Variants in KHDRBS2 observed in about 807,000 individuals in gnomAD.
KHDRBS2 encodes the protein KH RNA binding domain containing, signal transduction associated 2.
In KHDRBS2, 26 loss-of-function variants were observed where a neutral mutation model predicts 44.3. The ratio of observed to expected loss-of-function variants is 0.59; its 90% CI spans 0.43 to 0.81. KHDRBS2 has a LOEUF of 0.81. KHDRBS2 is among the 40% of genes least tolerant of loss of function. The pLI, the probability that KHDRBS2 is intolerant of heterozygous loss-of-function variation, is 0.00. For synonymous variants in KHDRBS2, 194 were observed against 151.1 expected (o/e 1.28, Z -2.08); for missense variants, 476 against 433.1 (o/e 1.10, Z -0.88).
Position 61,893,462 on chromosome 6 carries a change from C to T in KHDRBS2, c.810+1173G>A, listed in dbSNP as rs192831266. On this transcript the variant is annotated intron_variant, in intron 6 of 8. Coordinates refer to ENST00000281156, the MANE Select transcript of KHDRBS2 (RefSeq NM_152688.4). Reference sequence around the variant, plus strand: ...GACACATGCACACGTATGTTTATTGCGACACTATTCACAATAGCAAAGACT... The same window carrying T: ...GACACATGCACACGTATGTTTATTGTGACACTATTCACAATAGCAAAGACT... Among the ~76,000 whole-genome samples the T allele has an allele frequency of 2.4e-4, 36 of 152,200 alleles. No homozygotes were observed. In the East Asian group the frequency reaches 3.1e-3, roughly 13 times the overall value.
chr6:61,987,160 C>G (rs1029503747), intron 3 of KHDRBS2, among the ~76,000 whole-genome samples: 4 of 152,128 alleles, frequency 2.6e-5, no homozygotes, highest in Non-Finnish European at 5.9e-5. Flanking sequence ...ACTATTTCAG[C>G]CTTCGAATTC....
At chr6:62,037,350 G>A (rs185636112) in intron 3 of KHDRBS2, among the ~76,000 whole-genome samples, 83 of 151,708 alleles carry the variant, frequency 5.5e-4, no homozygotes, top group African/African-American at 1.9e-3. Context: ...TATTGACGGT[G>A]TTGCTGAGAA....
At chr6:62,077,781 G>A (rs760210640) in intron 2 of KHDRBS2, among the ~76,000 whole-genome samples, 7 of 151,962 alleles carry the variant, frequency 4.6e-5, no homozygotes, top group Non-Finnish European at 8.8e-5. Context: ...ACACATAGTA[G>A]TTACTCTGTT....
At chr6:61,616,095 C>T in the KHDRBS2 span, among the ~76,000 whole-genome samples, 1 of 152,116 alleles carries the variant, frequency 6.6e-6, no homozygotes, top group East Asian at 1.9e-4. Context: ...ATGGCATTTC[C>T]TTTCTGAAAG....
At chr6:62,203,288 C>T (rs766012726) in intron 1 of KHDRBS2, among the ~76,000 whole-genome samples, 4 of 151,766 alleles carry the variant, frequency 2.6e-5, no homozygotes, top group Non-Finnish European at 4.4e-5. Flanking sequence ...CATGTTGGGG[C>T]GGTGGGAGGG....
intron 1 of KHDRBS2, among the ~76,000 whole-genome samples, chr6:62,213,996 A>G (rs1170509296): frequency 6.6e-6 from 1 of 151,752 alleles, no homozygotes; most frequent in Non-Finnish European, 1.5e-5. Flanking sequence ...TAAAATATTT[A>G]GCCATTTAAG....
chr6:61,577,954 C>T, the KHDRBS2 span, among the ~76,000 whole-genome samples: 1 of 152,242 alleles, frequency 6.6e-6, no homozygotes, highest in Non-Finnish European at 1.5e-5. Flanking sequence ...TCATCAAACA[C>T]TATAAGTAAA....
At chr6:61,901,462 T>G in intron 4 of KHDRBS2, 91 bp from the exon 5 acceptor site, 1 of 981,556 alleles carries the variant, frequency 1.0e-6, no homozygotes, top group Non-Finnish European at 1.5e-6. Flanking sequence ...CAAAACGCAA[T>G]AGGAAATAAT....
rs1439401777 is a variant in KHDRBS2, at chr6:62,173,527, A to G, written c.219+3658T>C. Among the ~76,000 whole-genome samples, 7 of 152,076 alleles carry G rather than the reference A, an allele frequency of 4.6e-5. No individual in the cohort carries two copies. The East Asian group carries it at 1.4e-3, about 29-fold the overall frequency. ...AGATGTATAAAGAAGAGCTGGTCCC[A>G]TTCCTACTGAAACTATTCCAAACTC... On this transcript the variant is annotated intron_variant, in intron 2 of 8. Coordinates refer to ENST00000281156, the MANE Select transcript of KHDRBS2 (RefSeq NM_152688.4).
At chr6:61,962,889 G>A (rs1418902810) in intron 4 of KHDRBS2, among the ~76,000 whole-genome samples, 1 of 152,034 alleles carries the variant, frequency 6.6e-6, no homozygotes, top group East Asian at 1.9e-4. Context: ...TTAATAAAAA[G>A]GGAAACACAT....
intron 3 of KHDRBS2, among the ~76,000 whole-genome samples, chr6:62,042,128 C>A (rs1786662842): frequency 6.6e-6 from 1 of 152,016 alleles, no homozygotes; most frequent in Non-Finnish European, 1.5e-5. Context: ...TATTTTAACA[C>A]AATGCTTCTT....
At chr6:62,223,020 A>T (rs1831156603) in intron 1 of KHDRBS2, among the ~76,000 whole-genome samples, 1 of 152,196 alleles carries the variant, frequency 6.6e-6, no homozygotes, top group African/African-American at 2.4e-5. Context: ...CTCTTCTCAC[A>T]GCTCCACTAG....
intron 2 of KHDRBS2, among the ~76,000 whole-genome samples, chr6:62,108,683 A>T (rs1202233086): frequency 6.6e-6 from 1 of 152,204 alleles, no homozygotes; most frequent in Non-Finnish European, 1.5e-5. Flanking sequence ...AATAGCAAAG[A>T]CTTGGAACCA....
rs1798420134 is a variant in KHDRBS2, at chr6:61,869,981, T to TTTTTG, written c.810+24653_810+24654insCAAAA. Among the ~76,000 whole-genome samples the TTTTTG allele has an allele frequency of 4.1e-5, 6 of 147,158 alleles. 1 individual carries two copies. The highest frequency in any genetic ancestry group is 1.0e-4 in the African/African-American group (4 of 38,836). On this transcript the variant is annotated intron_variant, in intron 6 of 8. Transcript: ENST00000281156. ...GCAGGAGTGTTTTTTTTTTTTTTTT[T>TTTTTG]TTTTTTCCCCATACTACAGTGGTGC...
intron 3 of KHDRBS2, among the ~76,000 whole-genome samples, chr6:62,041,663 T>G (rs1340483747): frequency 1.3e-5 from 2 of 152,100 alleles, no homozygotes; most frequent in Non-Finnish European, 1.5e-5. Context: ...TATATAAAAC[T>G]TGGTTTATGG....
the KHDRBS2 span, among the ~76,000 whole-genome samples, chr6:61,644,009 C>CA: frequency 3.9e-5 from 6 of 151,968 alleles, no homozygotes; most frequent in Non-Finnish European, 8.8e-5. Context: ...CAATCATAAG[C>CA]AAAAAGAACA....
At chr6:62,141,876 A>G (rs185564388) in intron 2 of KHDRBS2, among the ~76,000 whole-genome samples, 302 of 152,212 alleles carry the variant, frequency 2.0e-3, no homozygotes, top group Non-Finnish European at 3.7e-3. Flanking sequence ...TATATCTAAA[A>G]CATATTATCT....
chr6:61,687,225 T>C (rs1467069858), intron 8 of KHDRBS2, among the ~76,000 whole-genome samples: 1 of 151,728 alleles, frequency 6.6e-6, no homozygotes, highest in Non-Finnish European at 1.5e-5. Context: ...TAACTTTGAG[T>C]TCACCATCAT....
intron 4 of KHDRBS2, among the ~76,000 whole-genome samples, chr6:61,913,800 G>C (rs1449880471): frequency 6.6e-6 from 1 of 150,414 alleles, no homozygotes; most frequent in East Asian, 2.0e-4. Flanking sequence ...TGTCATGTGT[G>C]GATCTGGTTC....
Sources: gnomAD v4.1 joint callset for allele counts (sites outside exome capture counted in the v4.1 genomes callset) on GRCh38, gnomAD v4.1.1 for gene constraint, MANE v1.5 for transcripts, NCBI Gene and HGNC (gene_info 2026-07-23, HGNC 2026-07-21) for gene names.